Variants in DNHD1 observed in about 807,000 individuals in gnomAD.
The protein encoded by DNHD1 is dynein heavy chain domain 1.
In DNHD1, 383 loss-of-function variants were observed where a neutral mutation model predicts 458.1. The observed-to-expected ratio is 0.84, with a 90% CI of 0.77 to 0.91. The LOEUF (loss-of-function observed/expected upper bound fraction) is 0.91. DNHD1 is among the 40% of genes least tolerant of loss of function. DNHD1 has a pLI of 0.00. For synonymous variants in DNHD1, 2,203 were observed against 2,376.9 expected (o/e 0.93, Z 2.13); for missense variants, 5,336 against 5,866.1 (o/e 0.91, Z 2.95).
Position 6,546,337 on chromosome 11 carries a change from G to C in DNHD1, c.5398G>C (p.Gly1800Arg). The C allele has an allele frequency of 6.4e-7, 1 of 1,552,354 alleles. No individual in the cohort carries two copies. Among genetic ancestry groups the C allele is most frequent in the East Asian group, 2.4e-5 (1 of 40,924 alleles). The change falls in exon 21 of 43, where the codon GGC becomes CGC. Residue 1800 changes from glycine to arginine, a missense_variant. Coordinates refer to ENST00000254579, the MANE Select transcript of DNHD1 (RefSeq NM_144666.3). ...AAAACATCACGTGTCTGTGCGCCTT[G>C]GCTATGGCTGTCTCCTGGTACTGCG... ...FEKHHVSVRL[G>R]YGCLLVLRAL...
chr11:6,544,153 A>G lies in DNHD1; in HGVS notation c.3661A>G (p.Ser1221Gly), dbSNP rs531208905. 107 of 1,551,602 alleles carry G rather than the reference A, an allele frequency of 6.9e-5. No homozygotes were observed. The African/African-American group carries it at 1.4e-3, about 20-fold the overall frequency. Residue 1221 changes from serine (S) to glycine (G), a missense_variant, in exon 19 of 43, where the codon AGT (serine) becomes GGT (glycine). Physicochemically the swap from Ser to Gly is moderately conservative, Grantham distance 56. This residue lies in a region of DNHD1 where 3,932 missense variants were observed against 4,365.6 expected (regional missense o/e 0.90). Coordinates refer to ENST00000254579, the MANE Select transcript of DNHD1 (RefSeq NM_144666.3). The stretch of plus-strand genomic sequence containing the variant: ...CAACCTGCAGGATTCCATCCAGGAA[A>G]GTCTTCAGGTGTTGTCCAAGATCTT... ...YSNLQDSIQE[S>G]LQVLSKILAI... is the part of the protein sequence containing the mutation.
chr11:6,517,652 C>CTTTTTTTTTTTTTTTTTTTT (rs59300977), intron 7 of DNHD1, among the ~76,000 whole-genome samples: 1 of 59,066 alleles, frequency 1.7e-5, no homozygotes, highest in African/African-American at 5.5e-5. Context: ...TCTAGGACTT[C>CTTTTTTTTTTTTTTTTTTTT]TTTTTTTTTT....
chr11:6,545,433 C>G lies in DNHD1; in HGVS notation c.4494C>G (p.His1498Gln). ...TGTACCTGCAACTGTATGTCCAGCACTGGATCGACTTAGTCCAGGCCTTCC... is the reference window on the plus strand; with the variant it reads ...TGTACCTGCAACTGTATGTCCAGCAGTGGATCGACTTAGTCCAGGCCTTCC... ...NKLYLQLYVQ[H>Q]WIDLVQAFPW... is the part of the protein sequence containing the mutation. The change falls in exon 21 of 43, where the codon CAC (histidine) becomes CAG (glutamine). Residue 1498 changes from histidine to glutamine, a missense_variant. Physicochemically the swap from His to Gln is conservative, Grantham distance 24. Transcript: ENST00000254579. The surrounding 1 kb of genome is among the most constrained non-coding windows in gnomAD (Gnocchi z 4.9). The G allele has an allele frequency of 6.4e-7, 1 of 1,551,852 alleles. No individual in the cohort carries two copies. Among genetic ancestry groups the G allele is most frequent in the Non-Finnish European group, 8.7e-7 (1 of 1,147,030 alleles).
rs1178619132 is a variant in DNHD1, at chr11:6,567,061, G to A, written c.11552G>A (p.Arg3851Gln). The A allele has an allele frequency of 6.8e-6, 11 of 1,614,022 alleles. No individual in the cohort carries two copies. Among genetic ancestry groups the A allele is most frequent in the East Asian group, 4.5e-5 (2 of 44,884 alleles). Residue 3851 changes from arginine (R) to glutamine (Q), a missense_variant, in exon 36 of 43, where the codon CGA becomes CAA. Physicochemically the swap from Arg to Gln is conservative, Grantham distance 43. Transcript: ENST00000254579. ...LQEMVLWAPY[R>Q]PVVWHGMAMV... ...GAGATGGTATTGTGGGCACCCTATC[G>A]ACCTGTGGTTTGGCATGGAATGGCC...
At position 6,568,141 on chromosome 11, in the gene DNHD1, T is replaced by G. The variant is rs750301190; in HGVS notation, c.12437T>G (p.Met4146Arg). 6.4e-7 allele frequency: 1 copy of G among 1,560,534 alleles called. No individual in the cohort carries two copies. Among genetic ancestry groups the G allele is most frequent in the Admixed American group, 1.9e-5 (1 of 52,302 alleles). The change falls in exon 37 of 43, where the codon ATG (methionine) becomes AGG (arginine). Residue 4146 changes from methionine to arginine, a missense_variant. Met to Arg is a moderately conservative substitution (Grantham distance 91). This residue lies in a region of DNHD1 where 695 missense variants were observed against 804.2 expected (regional missense o/e 0.86). Transcript: ENST00000254579. ...SVVVSTLSQA[M>R]YEGHWLVLDN... ...GTGGTCAGCACTCTATCCCAGGCTATGTATGAGGGGCACTGGCTGGTGCTG... is the reference window on the plus strand; with the variant it reads ...GTGGTCAGCACTCTATCCCAGGCTAGGTATGAGGGGCACTGGCTGGTGCTG...
chr11:6,524,641 G>A (rs1852672774), intron 10 of DNHD1, among the ~76,000 whole-genome samples: 2 of 152,178 alleles, frequency 1.3e-5, no homozygotes, highest in Admixed American at 1.3e-4. Context: ...GTGTCATGGT[G>A]CAAAATAACT....
chr11:6,512,479 C>T (rs1320220795), intron 7 of DNHD1, among the ~76,000 whole-genome samples: 2 of 151,982 alleles, frequency 1.3e-5, no homozygotes, highest in African/African-American at 2.4e-5. Flanking sequence ...ACCTCGGCCT[C>T]CCAAAGTGCT....
chr11:6,508,051 T>A (rs1852262001), intron 4 of DNHD1, among the ~76,000 whole-genome samples: 1 of 152,154 alleles, frequency 6.6e-6, no homozygotes. Flanking sequence ...GCTTTTAAAT[T>A]GCTAAAAATA....
rs1224020989 is a variant in DNHD1, at chr11:6,546,097, C to T, written c.5158C>T (p.Gln1720Ter). ...MLPCSPQIEA[Q>*]CLSNYLNGAL... ...ACCCTGCTCACCTCAGATAGAGGCT[C>T]AATGCCTGAGCAACTATCTGAATGG... The change falls in exon 21 of 43, where the codon CAA becomes TAA. Residue 1720 changes from glutamine (Q) to a stop codon, truncating the protein, a stop_gained. Transcript: ENST00000254579. LOFTEE classifies it high-confidence loss of function. 1.3e-5 allele frequency: 20 copies of T among 1,551,586 alleles called. No homozygotes were observed. Among genetic ancestry groups the T allele is most frequent in the Admixed American group, 2.0e-5 (1 of 51,012 alleles).
At position 6,539,789 on chromosome 11, in the gene DNHD1, G is replaced by A. The variant is rs1348805221; in HGVS notation, c.3421-87G>A. On this transcript the variant is annotated intron_variant, in intron 17 of 42. Transcript: ENST00000254579. ...TCCTGAGCCCTGGCCCTTGAGTTCT[G>A]CCTCAGATCCAATCCCCAAGTCTCG... 78 of 1,275,422 alleles carry A rather than the reference G, an allele frequency of 6.1e-5. No individual in the cohort carries two copies. In the East Asian group the frequency reaches 2.0e-3, roughly 32 times the overall value. 79.0% of individuals were successfully genotyped at this position (1,275,422 alleles called of 1,614,324 possible). A position where few individuals can be genotyped will look rare whatever the true frequency, so the allele number is the denominator to read the frequency against.
At position 6,570,937 on chromosome 11, in the gene DNHD1, A is replaced by C. The variant is rs1302479362; in HGVS notation, c.13425A>C (p.Pro4475=). The C allele has an allele frequency of 6.2e-7, 1 of 1,609,436 alleles. No individual in the cohort carries two copies. Among genetic ancestry groups the C allele is most frequent in the Non-Finnish European group, 8.5e-7 (1 of 1,176,168 alleles). ...ESDAPWSVLG[P]NARRPLEGVL... is the part of the protein sequence containing the mutation. The stretch of plus-strand genomic sequence containing the variant: ...ACGCCCCGTGGTCAGTGCTGGGGCC[A>C]AATGCACGGCGGCCTCTGGAGGGCG... The change falls in exon 42 of 43, where the codon CCA becomes CCC. Residue 4475 remains proline (P), a synonymous_variant. Coordinates refer to ENST00000254579, the MANE Select transcript of DNHD1 (RefSeq NM_144666.3).
In DNHD1 at chr11:6,520,089, C is replaced by T. The variant is rs376610634; in HGVS notation, c.1772C>T (p.Thr591Ile). The T allele has an allele frequency of 3.2e-5, 52 of 1,614,076 alleles. No homozygotes were observed. The African/African-American group carries it at 6.4e-4, about 20-fold the overall frequency. ...TLTGGLQSVK[T>I]SALQVVQSAD... Reference sequence around the variant, plus strand: ...ACTGGAGGCCTACAGTCTGTCAAGACCTCTGCCTTGCAGGTATTCTGAATT... The same window carrying T: ...ACTGGAGGCCTACAGTCTGTCAAGATCTCTGCCTTGCAGGTATTCTGAATT... Residue 591 changes from threonine (T) to isoleucine (I), a missense_variant, in exon 9 of 43, where the codon ACC (threonine) becomes ATC (isoleucine). Thr to Ile is a moderately conservative substitution (Grantham distance 89). This residue lies in a region of DNHD1 where 3,932 missense variants were observed against 4,365.6 expected (regional missense o/e 0.90). Coordinates refer to ENST00000254579, the MANE Select transcript of DNHD1 (RefSeq NM_144666.3).
chr11:6,500,004 G>C (rs189183635), intron 3 of DNHD1, among the ~76,000 whole-genome samples: 3 of 144,550 alleles, frequency 2.1e-5, no homozygotes, highest in Non-Finnish European at 4.5e-5. Context: ...TCACTCTGTC[G>C]CCCAGGCTAG....
Position 6,538,406 on chromosome 11 carries a change from C to T in DNHD1, c.3022C>T (p.Pro1008Ser). The change falls in exon 15 of 43, where the codon CCA (proline) becomes TCA (serine). Residue 1008 changes from proline (P) to serine (S), a missense_variant. Coordinates refer to ENST00000254579, the MANE Select transcript of DNHD1 (RefSeq NM_144666.3). ...FTEDETPVPL[P>S]ICGTRPIVQQ... ...AGAGGATGAGACTCCTGTGCCCTTG[C>T]CAATCTGTGGGACACGTCCTATTGT... is the stretch of plus-strand genomic sequence containing the variant. The T allele has an allele frequency of 1.3e-6, 2 of 1,551,744 alleles. No homozygotes were observed. The highest frequency in any genetic ancestry group is 1.2e-5 in the South Asian group (1 of 84,066).
rs1013919815 is a variant in DNHD1, at chr11:6,554,044, A to T, written c.7388-2639A>T. 5.9e-5 allele frequency among the ~76,000 whole-genome samples: 9 copies of T among 152,308 alleles called. No homozygotes were observed. In the East Asian group the frequency reaches 1.7e-3, roughly 29 times the overall value. On this transcript the variant is annotated intron_variant, in intron 24 of 42. Transcript: ENST00000254579. ...TCTAGAGCAGCCAAGCAACTTTGAA[A>T]AAGAACAAAGTTGGGACACCTACAC...
rs527362340 is a variant in DNHD1, at chr11:6,555,983, T to TTTA, written c.7388-685_7388-683dup. 3.7e-3 allele frequency among the ~76,000 whole-genome samples: 560 copies of TTTA among 152,044 alleles called. 5 individuals are homozygous for TTTA. Among genetic ancestry groups the TTTA allele is most frequent in the African/African-American group, 0.013 (541 of 41,466 alleles). ...GTCTTAATAAAATTTATTTTTAAAA[T>TTTA]TTATTATTATTATTATTTTTAGAGA... On this transcript the variant is annotated intron_variant, in intron 24 of 42. Transcript: ENST00000254579.
rs758740848 is a variant in DNHD1, at chr11:6,548,913, A to T, written c.7367A>T (p.Asp2456Val). 6.4e-7 allele frequency: 1 copy of T among 1,551,692 alleles called. No individual in the cohort carries two copies. Among genetic ancestry groups the T allele is most frequent in the South Asian group, 1.2e-5 (1 of 84,062 alleles). The change falls in exon 24 of 43, where the codon GAC becomes GTC. Residue 2456 changes from aspartate (D) to valine (V), a missense_variant. This residue lies in a region of DNHD1 where 3,932 missense variants were observed against 4,365.6 expected (regional missense o/e 0.90). Coordinates refer to ENST00000254579, the MANE Select transcript of DNHD1 (RefSeq NM_144666.3). The surrounding 1 kb of genome is among the most constrained non-coding windows in gnomAD (Gnocchi z 4.4). ...SKPSLLFLLE[D>V]LHLATSDPEK... ...CCCTCCCTCCTCTTCTTGCTGGAGGACCTGCACCTAGCCACTTCTGGTGAG... is the reference window on the plus strand; with the variant it reads ...CCCTCCCTCCTCTTCTTGCTGGAGGTCCTGCACCTAGCCACTTCTGGTGAG...
Position 6,568,008 on chromosome 11 carries a change from C to T in DNHD1, c.12352-48C>T, listed in dbSNP as rs150334224. The T allele has an allele frequency of 1.3e-3, 2,029 of 1,517,504 alleles. 43 individuals are homozygous for T. In the South Asian group the frequency reaches 0.023, roughly 17 times the overall value. 94.0% of individuals were successfully genotyped at this position (1,517,504 alleles called of 1,614,324 possible). A position where few individuals can be genotyped will look rare whatever the true frequency, so the allele number is the denominator to read the frequency against. The stretch of plus-strand genomic sequence containing the variant: ...GCATTAGTTTGGGTCCCTCGGGTCA[C>T]CCTAGGATCACTTTGAGTCATGCTG... On this transcript the variant is annotated intron_variant, in intron 36 of 42. Coordinates refer to ENST00000254579, the MANE Select transcript of DNHD1 (RefSeq NM_144666.3).
chr11:6,561,048 C>T (rs997650973), intron 28 of DNHD1, among the ~76,000 whole-genome samples: 1 of 152,060 alleles, frequency 6.6e-6, no homozygotes, highest in African/African-American at 2.4e-5. Context: ...ACTTCCCTAA[C>T]CTTATAAGGT....
Sources: allele counts gnomAD v4.1 joint callset (sites outside exome capture counted in the v4.1 genomes callset), GRCh38; gene constraint gnomAD v4.1.1; regional missense constraint gnomAD v4.1.1; non-coding constraint Gnocchi (gnomAD v3.1); transcripts MANE v1.5; gene names NCBI Gene and HGNC (gene_info 2026-07-23, HGNC 2026-07-21).